OPHN1: variants seen among roughly 807,000 people sequenced by gnomAD.
OPHN1 encodes oligophrenin-1.
Under a neutral mutation model 60.7 loss-of-function variants are expected in OPHN1, and 11 were observed. The observed-to-expected ratio is 0.18, with a 90% CI of 0.11 to 0.30. The LOEUF (loss-of-function observed/expected upper bound fraction) is 0.30. Among genes scored for constraint, OPHN1 ranks in the 10% least tolerant of loss-of-function variants. The pLI is 1.00. For missense variants in OPHN1, 449 were observed against 611.0 expected, an observed-to-expected ratio of 0.73 and a Z score of 2.80; for synonymous variants, 226 against 222.6, an observed-to-expected ratio of 1.02 and a Z score of -0.14.
chrX:68,131,190 TTTTA>T (rs60984024), intron 15 of OPHN1, among the ~76,000 whole-genome samples: 22,264 of 98,323 alleles, frequency 0.23, 2,571 homozygotes, highest in Middle Eastern at 0.34. Context: ...CAAAGAACAC[TTTTA>T]TTTATTTATT....
At chrX:68,200,084 C>A (rs926821872) in intron 11 of OPHN1, among the ~76,000 whole-genome samples, 1 of 111,670 alleles carries the variant, frequency 9.0e-6, no homozygotes, top group Non-Finnish European at 1.9e-5. Flanking sequence ...GCTTTGGAGA[C>A]CTACAGACCA....
At chrX:68,391,461 TC>T (rs1192105855) in intron 2 of OPHN1, among the ~76,000 whole-genome samples, 2 of 111,168 alleles carry the variant, frequency 1.8e-5, no homozygotes, top group African/African-American at 6.5e-5. Context: ...CTTACCCTTG[TC>T]CGTCAGCCCC....
At chrX:68,273,627 G>A (rs1187558089) in intron 5 of OPHN1, among the ~76,000 whole-genome samples, 1 of 112,137 alleles carries the variant, frequency 8.9e-6, no homozygotes, top group African/African-American at 3.2e-5. Flanking sequence ...TGGCTAGAAA[G>A]AATGAGGAGC....
chrX:68,355,573 C>A (rs1255194413), intron 2 of OPHN1, among the ~76,000 whole-genome samples: 1 of 112,427 alleles, frequency 8.9e-6, no homozygotes, highest in Admixed American at 9.5e-5. Flanking sequence ...GGCTACCGTG[C>A]AAGATCCATA....
At chrX:68,201,860 A>T in intron 10 of OPHN1, 150 bp from the exon 11 acceptor site, 2 of 502,905 alleles carry the variant, frequency 4.0e-6, no homozygotes, top group East Asian at 7.0e-5. Flanking sequence ...TGTCCCTTCA[A>T]ACAGTATTTG....
chrX:68,212,003 A>T, intron 8 of OPHN1, 105 bp downstream of exon 8: 1 of 554,583 alleles, frequency 1.8e-6, no homozygotes, highest in Admixed American at 2.7e-5. Context: ...ATTCTAACAA[A>T]TTGGCTAGGA....
chrX:68,118,934 T>C (rs1487866710), intron 16 of OPHN1, among the ~76,000 whole-genome samples: 3 of 112,279 alleles, frequency 2.7e-5, no homozygotes, highest in African/African-American at 9.7e-5. Context: ...CTGATTCTAC[T>C]AGTGAATCCA....
At chrX:68,343,189 G>A (rs1216730504) in intron 2 of OPHN1, among the ~76,000 whole-genome samples, 1 of 106,870 alleles carries the variant, frequency 9.4e-6, no homozygotes, top group Non-Finnish European at 1.9e-5. Flanking sequence ...CAGGAGAATC[G>A]CTTGAACCCA....
At chrX:68,252,919 GT>G (rs1009495993) in intron 5 of OPHN1, among the ~76,000 whole-genome samples, 182 of 109,202 alleles carry the variant, frequency 1.7e-3, no homozygotes, top group African/African-American at 5.2e-3. Flanking sequence ...TTCCTGGGGA[GT>G]TTTTTTTTAG....
At chrX:68,140,651 G>C (rs2077238554) in intron 15 of OPHN1, among the ~76,000 whole-genome samples, 1 of 109,815 alleles carries the variant, frequency 9.1e-6, no homozygotes, top group Non-Finnish European at 1.9e-5. Flanking sequence ...CTCAAGCCTG[G>C]AACCTTGGCC....
chrX:68,096,767 T>G (rs2077039616), intron 19 of OPHN1, 103 bp downstream of exon 19: 1 of 831,268 alleles, frequency 1.2e-6, no homozygotes, highest in Non-Finnish European at 1.8e-6. Flanking sequence ...GGATTTCCTT[T>G]CACTGTCAAC....
chrX:68,075,923 A>G (rs1209286508), intron 19 of OPHN1, among the ~76,000 whole-genome samples: 2 of 110,596 alleles, frequency 1.8e-5, no homozygotes, highest in Non-Finnish European at 3.8e-5. Flanking sequence ...TTAGCCAAAG[A>G]TATCTTAGAT....
At chrX:68,402,926 G>A (rs952618350) in intron 2 of OPHN1, among the ~76,000 whole-genome samples, 1 of 111,796 alleles carries the variant, frequency 8.9e-6, no homozygotes, top group African/African-American at 3.2e-5. Flanking sequence ...AAAATTGGGG[G>A]AGAGGTTTTC....
At chrX:68,246,271 C>T (rs183098435) in intron 5 of OPHN1, among the ~76,000 whole-genome samples, 67 of 111,944 alleles carry the variant, frequency 6.0e-4, no homozygotes, top group Admixed American at 1.3e-3. Context: ...ATCATTTAGC[C>T]AAAACTGTTA....
At chrX:68,076,612 C>T (rs1430650201) in intron 19 of OPHN1, among the ~76,000 whole-genome samples, 5 of 111,521 alleles carry the variant, frequency 4.5e-5, no homozygotes, top group Admixed American at 9.5e-5. Flanking sequence ...AAATGTTTTA[C>T]GTTTTCTTTA....
chrX:68,390,009 C>T (rs2147753506), intron 2 of OPHN1, among the ~76,000 whole-genome samples: 1 of 111,152 alleles, frequency 9.0e-6, no homozygotes, highest in South Asian at 3.8e-4. Flanking sequence ...CAAACACGTC[C>T]TTCTTAACAA....
chrX:68,415,812 T>A (rs1248210886), intron 2 of OPHN1, among the ~76,000 whole-genome samples: 2 of 109,351 alleles, frequency 1.8e-5, no homozygotes, highest in Non-Finnish European at 3.8e-5. Context: ...GCCAGGAGTT[T>A]GAAATCAGCC....
intron 5 of OPHN1, among the ~76,000 whole-genome samples, chrX:68,263,468 T>C (rs966041698): frequency 2.7e-5 from 3 of 111,965 alleles, no homozygotes; most frequent in Non-Finnish European, 5.6e-5. Context: ...GCACTTTCTA[T>C]CCTCCCTATT....
chrX:68,224,339 T>C (rs2077678937), intron 6 of OPHN1, among the ~76,000 whole-genome samples: 1 of 111,519 alleles, frequency 9.0e-6, no homozygotes, highest in Non-Finnish European at 1.9e-5. Flanking sequence ...AGTACATTTA[T>C]AAATGAAACC....
Sources: gnomAD v4.1 joint callset for allele counts (sites outside exome capture counted in the v4.1 genomes callset) on GRCh38, gnomAD v4.1.1 for gene constraint, MANE v1.5 for transcripts, NCBI Gene and HGNC (gene_info 2026-07-23, HGNC 2026-07-21) for gene names.